The following ADAMTSL1 variants were observed in gnomAD, a reference collection of about 807,000 sequenced individuals.
ADAMTSL1 encodes the protein ADAMTS-like protein 1.
ADAMTSL1 carries 126 observed loss-of-function variants against 201.8 expected under a neutral mutation model. That is an observed-to-expected ratio of 0.62 (90% CI 0.54 to 0.72). ADAMTSL1 has a LOEUF of 0.72. ADAMTSL1 is among the 30% of genes least tolerant of loss of function. The pLI is 0.00. For missense variants in ADAMTSL1, 2,679 were observed against 2,277.8 expected, an observed-to-expected ratio of 1.18 and a Z score of -3.59; for synonymous variants, 1,121 against 903.4, an observed-to-expected ratio of 1.24 and a Z score of -4.32.
chr9:18,733,427 C>G (rs1286281454), intron 15 of ADAMTSL1, among the ~76,000 whole-genome samples: 1 of 152,148 alleles, frequency 6.6e-6, no homozygotes, highest in South Asian at 2.1e-4. Flanking sequence ...TCTAATAGAG[C>G]TAAAGTGAAT....
intron 1 of ADAMTSL1, among the ~76,000 whole-genome samples, chr9:17,972,498 A>C (rs10963365): frequency 0.81 from 122,354 of 150,982 alleles, 49,983 homozygotes; most frequent in East Asian, 0.92. Context: ...TGAACTCATC[A>C]TTTTTTATGG....
chr9:18,505,044 T>C, intron 2 of ADAMTSL1, 88 bp downstream of exon 2: 1 of 1,464,882 alleles, frequency 6.8e-7, no homozygotes, highest in Non-Finnish European at 9.1e-7. Context: ...ATGGAGAACA[T>C]TTTGTGGCTT....
chr9:18,778,436 GTGAT>G (rs1420492855), intron 19 of ADAMTSL1, among the ~76,000 whole-genome samples: 3 of 152,204 alleles, frequency 2.0e-5, no homozygotes, highest in African/African-American at 7.2e-5. Flanking sequence ...AGTGGGACCT[GTGAT>G]TGATTATCCT....
rs535090675 is a variant in ADAMTSL1, at chr9:18,729,620, C to T, written c.2006+7955C>T. Among the ~76,000 whole-genome samples the T allele has an allele frequency of 6.4e-4, 97 of 152,342 alleles. 1 individual carries two copies. The highest frequency in any genetic ancestry group is 1.7e-3 in the African/African-American group (72 of 41,580). ...CTTTAAGATAACTAGAATTTCTCTT[C>T]CTTCAGTCTCCACTGAACAAATGTC... On this transcript the variant is annotated intron_variant, in intron 15 of 28. Transcript: ENST00000380548.
chr9:18,172,852 A>C (rs1045398523), intron 2 of ADAMTSL1, among the ~76,000 whole-genome samples: 9 of 152,172 alleles, frequency 5.9e-5, no homozygotes, highest in African/African-American at 2.2e-4. Context: ...ACCATTTTAC[A>C]ACATGGCATC....
chr9:18,115,806 G>C (rs1224934642), intron 1 of ADAMTSL1, among the ~76,000 whole-genome samples: 1 of 152,134 alleles, frequency 6.6e-6, no homozygotes, highest in Non-Finnish European at 1.5e-5. Context: ...GCCCGGTACT[G>C]ATCTGGGATT....
rs911882382 is a variant in ADAMTSL1 at position 18,830,019 on chromosome 9, T to C, written c.4249+42T>C. The C allele has an allele frequency of 7.7e-6, 12 of 1,567,330 alleles. No individual in the cohort carries two copies. In the African/African-American group the frequency reaches 1.1e-4, roughly 14 times the overall value. ...GAAACATTGGGCAGAAAGCCAGGAC[T>C]GGACAGGATTTATGGATGGGTGACT... On this transcript the variant is annotated intron_variant, in intron 23 of 28. Coordinates refer to ENST00000380548, the MANE Select transcript of ADAMTSL1 (RefSeq NM_001040272.6).
At chr9:17,954,070 G>T (rs1827839092) in intron 1 of ADAMTSL1, among the ~76,000 whole-genome samples, 2 of 150,872 alleles carry the variant, frequency 1.3e-5, no homozygotes, top group South Asian at 4.2e-4. Flanking sequence ...GCTGGCTGAG[G>T]CAATCTCTGT....
intron 2 of ADAMTSL1, among the ~76,000 whole-genome samples, chr9:18,505,519 A>C (rs1823076138): frequency 6.6e-6 from 1 of 152,228 alleles, no homozygotes; most frequent in Non-Finnish European, 1.5e-5. Flanking sequence ...GAAAGGGATG[A>C]AGAAGGTAGA....
At chr9:18,439,645 A>T (rs1819910037) in intron 2 of ADAMTSL1, among the ~76,000 whole-genome samples, 1 of 152,200 alleles carries the variant, frequency 6.6e-6, no homozygotes, top group African/African-American at 2.4e-5. Context: ...GATTACAGGC[A>T]TGAGCCACTG....
intron 9 of ADAMTSL1, among the ~76,000 whole-genome samples, chr9:18,675,138 C>G (rs1171025187): frequency 1.3e-5 from 2 of 152,194 alleles, no homozygotes; most frequent in African/African-American, 2.4e-5. Flanking sequence ...CCATGACAAT[C>G]ACAACCATCA....
chr9:17,940,782 T>A (rs1448139473), intron 1 of ADAMTSL1, among the ~76,000 whole-genome samples: 2 of 96,958 alleles, frequency 2.1e-5, no homozygotes, highest in Non-Finnish European at 4.3e-5. Context: ...AAGGTAAACT[T>A]AAAAATAAAA....
At chr9:17,912,185 C>T (rs2131269228) in intron 1 of ADAMTSL1, among the ~76,000 whole-genome samples, 1 of 58,886 alleles carries the variant, frequency 1.7e-5, no homozygotes, top group African/African-American at 3.3e-5. Flanking sequence ...ATTTATAGTC[C>T]TTTTGATATA....
chr9:18,652,929 C>G (rs1261256837), intron 7 of ADAMTSL1, among the ~76,000 whole-genome samples: 2 of 152,194 alleles, frequency 1.3e-5, no homozygotes, highest in Admixed American at 1.3e-4. Flanking sequence ...AAGGGAAAAC[C>G]ATTGTCCTAA....
chr9:18,245,548 A>G (rs941416485), intron 2 of ADAMTSL1, among the ~76,000 whole-genome samples: 4 of 152,110 alleles, frequency 2.6e-5, no homozygotes, highest in Admixed American at 2.6e-4. Flanking sequence ...TATGGGGTTG[A>G]GAAAAAATGG....
At chr9:18,342,228 A>G (rs1439647935) in intron 2 of ADAMTSL1, among the ~76,000 whole-genome samples, 2 of 152,184 alleles carry the variant, frequency 1.3e-5, no homozygotes, top group East Asian at 1.9e-4. Flanking sequence ...CAAGCTGATT[A>G]CAACTTGGGA....
At chr9:18,047,049 A>T (rs1586944347) in intron 1 of ADAMTSL1, among the ~76,000 whole-genome samples, 1 of 152,186 alleles carries the variant, frequency 6.6e-6, no homozygotes, top group Non-Finnish European at 1.5e-5. Flanking sequence ...AGATGACTAC[A>T]TAGGATAATG....
intron 2 of ADAMTSL1, among the ~76,000 whole-genome samples, chr9:18,253,050 A>C (rs1372630099): frequency 2.6e-5 from 4 of 152,214 alleles, no homozygotes; most frequent in African/African-American, 4.8e-5. Flanking sequence ...CTGTGCCGCT[A>C]TTTGAAAAGA....
At chr9:18,617,131 C>G (rs1174966900) in intron 4 of ADAMTSL1, among the ~76,000 whole-genome samples, 1 of 152,176 alleles carries the variant, frequency 6.6e-6, no homozygotes, top group African/African-American at 2.4e-5. Context: ...ACATCACTGG[C>G]TCAGTATTTG....
Sources: allele counts gnomAD v4.1 joint callset (sites outside exome capture counted in the v4.1 genomes callset), GRCh38; gene constraint gnomAD v4.1.1; transcripts MANE v1.5; gene names NCBI Gene and HGNC (gene_info 2026-07-23, HGNC 2026-07-21).